Variants in PCDH7 observed in about 807,000 individuals in gnomAD.
The protein encoded by PCDH7 is protocadherin 7.
A neutral mutation model predicts 58.9 loss-of-function variants in PCDH7; 17 were observed. That is an observed-to-expected ratio of 0.29 (90% CI 0.20 to 0.43). The LOEUF (loss-of-function observed/expected upper bound fraction) is 0.43. Ranked by LOEUF, PCDH7 falls within the 20% of genes least tolerant of loss-of-function variation. The probability of loss-of-function intolerance (pLI) is 1.00; values close to 1 mark genes in which losing one functional copy is unlikely to be tolerated. For missense variants in PCDH7, 1,274 were observed against 1,441.0 expected (o/e 0.88, Z 1.88); for synonymous variants, 664 against 616.4 (o/e 1.08, Z -1.14).
chr4:30,953,838 A>T (rs1297797569), intron 3 of PCDH7, among the ~76,000 whole-genome samples: 1 of 152,174 alleles, frequency 6.6e-6, no homozygotes, highest in African/African-American at 2.4e-5. Flanking sequence ...ACTACAAAAT[A>T]TAATGTCCTT....
chr4:31,108,049 G>T (rs966300896), intron 3 of PCDH7, among the ~76,000 whole-genome samples: 21 of 151,992 alleles, frequency 1.4e-4, no homozygotes, highest in Non-Finnish European at 2.9e-4. Flanking sequence ...TTAGTTTGTT[G>T]CATTTCCAAA....
intron 1 of PCDH7, among the ~76,000 whole-genome samples, chr4:30,775,872 G>C (rs533386510): frequency 6.6e-6 from 1 of 152,242 alleles, no homozygotes; most frequent in South Asian, 2.1e-4. Context: ...ACTGCAGCCT[G>C]GGTGACAGAG....
chr4:31,131,713 C>G (rs1200534520), intron 3 of PCDH7, among the ~76,000 whole-genome samples: 1 of 152,122 alleles, frequency 6.6e-6, no homozygotes, highest in African/African-American at 2.4e-5. Flanking sequence ...ATCCAATAAG[C>G]TTTTCTGTGT....
intron 3 of PCDH7, among the ~76,000 whole-genome samples, chr4:30,986,443 A>G (rs751017140): frequency 2.0e-5 from 3 of 152,128 alleles, no homozygotes; most frequent in African/African-American, 4.8e-5. Context: ...GAAAAAACCC[A>G]CCTATTTCTA....
chr4:30,930,782 T>A (rs1272590016), intron 2 of PCDH7, among the ~76,000 whole-genome samples: 4 of 149,882 alleles, frequency 2.7e-5, no homozygotes, highest in African/African-American at 7.4e-5. Flanking sequence ...AAAAAAAAAG[T>A]TTAAAAATTT....
At chr4:31,012,992 G>A (rs1269487965) in intron 3 of PCDH7, among the ~76,000 whole-genome samples, 3 of 150,336 alleles carry the variant, frequency 2.0e-5, no homozygotes, top group Admixed American at 1.3e-4. Context: ...CCAAGCCTGG[G>A]CAACAAAGTG....
chr4:30,846,743 A>G (rs907034232), intron 1 of PCDH7, among the ~76,000 whole-genome samples: 10 of 152,194 alleles, frequency 6.6e-5, no homozygotes, highest in Non-Finnish European at 1.5e-4. Flanking sequence ...ATATGCAGTT[A>G]CATTTTATTG....
intron 3 of PCDH7, among the ~76,000 whole-genome samples, chr4:31,054,841 T>C: frequency 6.6e-6 from 1 of 152,176 alleles, no homozygotes; most frequent in East Asian, 1.9e-4. Context: ...AGAACTTAAT[T>C]CATTGAATAT....
chr4:30,795,253 T>C (rs2109301887), intron 1 of PCDH7, among the ~76,000 whole-genome samples: 1 of 152,272 alleles, frequency 6.6e-6, no homozygotes, highest in East Asian at 1.9e-4. Flanking sequence ...GTAGCTGGAA[T>C]TACAGTCAAA....
intron 3 of PCDH7, among the ~76,000 whole-genome samples, chr4:31,085,779 A>G (rs1278926776): frequency 6.6e-6 from 1 of 152,206 alleles, no homozygotes; most frequent in African/African-American, 2.4e-5. Flanking sequence ...AGCAACTGCT[A>G]AAATTCATTA....
chr4:30,800,192 G>C (rs1725356327), intron 1 of PCDH7, among the ~76,000 whole-genome samples: 2 of 152,040 alleles, frequency 1.3e-5, no homozygotes, highest in African/African-American at 2.4e-5. Context: ...CATAAGTAAA[G>C]TATATCAGGG....
At position 30,853,564 on chromosome 4, in the gene PCDH7, ATATT is replaced by A. The variant is rs371093203; in HGVS notation, c.71-66583_71-66580del. ...CTAGGAGGATTCATTCAAGTTTTATATATTTATTTTTATTTTTAATCAAACATGT... is the reference window on the plus strand; with the variant it reads ...CTAGGAGGATTCATTCAAGTTTTATATATTTTTATTTTTAATCAAACATGT... On this transcript the variant is annotated intron_variant, in intron 1 of 3. Coordinates refer to the PCDH7 transcript ENST00000509759. Among the ~76,000 whole-genome samples, 13 of 152,136 alleles carry A rather than the reference ATATT, an allele frequency of 8.5e-5. 1 individual carries two copies. Among genetic ancestry groups the A allele is most frequent in the African/African-American group, 3.1e-4 (13 of 41,524 alleles).
rs149264659 is a variant in PCDH7, at chr4:31,043,143, G to A, written c.*7+92928G>A. On this transcript the variant is annotated intron_variant, in intron 3 of 3. Transcript: ENST00000509759. ...AATCACCTCTTAAAGACCTCATCTC[G>A]TAATACTGTTACCCTAGGGATTAAG... 6.6e-4 allele frequency among the ~76,000 whole-genome samples: 100 copies of A among 152,156 alleles called. 4 individuals carry two copies. In the South Asian group the frequency reaches 0.019, roughly 29 times the overall value.
At chr4:30,946,690 T>TTGTGTGTGTGTGTG (rs112524366) in intron 2 of PCDH7, among the ~76,000 whole-genome samples, 2,936 of 137,570 alleles carry the variant, frequency 0.021, 50 homozygotes, top group East Asian at 0.034. Context: ...CTTATCTCTT[T>TTGTGTGTGTGTGTG]TGTGTGTGTG....
intron 1 of PCDH7, among the ~76,000 whole-genome samples, chr4:30,826,917 G>A (rs1051243925): frequency 2.0e-5 from 3 of 151,834 alleles, no homozygotes; most frequent in African/African-American, 4.8e-5. Flanking sequence ...TTGTAGAGAC[G>A]GGGTTTTGCC....
downstream of PCDH7, among the ~76,000 whole-genome samples, chr4:30,735,513 C>A (rs138177534): frequency 2.6e-4 from 39 of 152,226 alleles, no homozygotes; most frequent in Middle Eastern, 3.4e-3. Flanking sequence ...TGTAACTGAC[C>A]GTAAGTGACC....
chr4:31,023,286 G>T (rs1057472164), intron 3 of PCDH7, among the ~76,000 whole-genome samples: 3 of 152,260 alleles, frequency 2.0e-5, no homozygotes, highest in Admixed American at 2.0e-4. Flanking sequence ...GGTTTAAAGA[G>T]GTCTGGAGGT....
chr4:31,088,138 T>A (rs550952862), intron 3 of PCDH7, among the ~76,000 whole-genome samples: 1 of 152,070 alleles, frequency 6.6e-6, no homozygotes, highest in Admixed American at 6.6e-5. Context: ...CAAAAAGCCA[T>A]GGTACCTTTT....
chr4:30,787,345 G>A (rs1053190056), intron 1 of PCDH7, among the ~76,000 whole-genome samples: 6 of 151,996 alleles, frequency 3.9e-5, no homozygotes, highest in African/African-American at 1.4e-4. Flanking sequence ...GAGAAAATTA[G>A]ACAATTCAAT....
Sources: gnomAD v4.1 joint callset for allele counts (sites outside exome capture counted in the v4.1 genomes callset) on GRCh38, gnomAD v4.1.1 for gene constraint, MANE v1.5 for transcripts, NCBI Gene and HGNC (gene_info 2026-07-23, HGNC 2026-07-21) for gene names.